The following ZNF799 variants were observed in gnomAD, a reference collection of about 807,000 sequenced individuals.
The protein encoded by ZNF799 is zinc finger protein 14.
Under a neutral mutation model 41.0 loss-of-function variants are expected in ZNF799, and 28 were observed. The ratio of observed to expected loss-of-function variants is 0.68; its 90% CI spans 0.51 to 0.94. The LOEUF (loss-of-function observed/expected upper bound fraction) is 0.94. ZNF799 is among the 40% of genes least tolerant of loss of function. The pLI is 0.00. For missense variants in ZNF799, 716 were observed against 764.3 expected (o/e 0.94, Z 0.74); for synonymous variants, 213 against 252.9 (o/e 0.84, Z 1.50).
the ZNF799 span, among the ~76,000 whole-genome samples, chr19:12,406,857 G>A: frequency 2.0e-5 from 3 of 152,074 alleles, no homozygotes; most frequent in South Asian, 2.1e-4. Flanking sequence ...CGGAGATCGC[G>A]TCACTGCACT....
chr19:12,405,940 C>T (rs34319095), upstream of ZNF799, among the ~76,000 whole-genome samples: 6 of 152,012 alleles, frequency 3.9e-5, no homozygotes, highest in South Asian at 2.1e-4. Flanking sequence ...TTTGGGAGGC[C>T]GAGGGGGGCA....
At chr19:12,399,067 T>G (rs563587929) in intron 1 of ZNF799, among the ~76,000 whole-genome samples, 1 of 152,326 alleles carries the variant, frequency 6.6e-6, no homozygotes, top group African/African-American at 2.4e-5. Context: ...CAATCTCTAA[T>G]CATAGGATGT....
upstream of ZNF799, among the ~76,000 whole-genome samples, chr19:12,405,846 T>A (rs1970025455): frequency 6.6e-6 from 1 of 152,124 alleles, no homozygotes; most frequent in Non-Finnish European, 1.5e-5. Context: ...TTGACATAGT[T>A]CATCTCTGAG....
chr19:12,409,257 T>C, the ZNF799 span, among the ~76,000 whole-genome samples: 1 of 152,128 alleles, frequency 6.6e-6, no homozygotes, highest in Non-Finnish European at 1.5e-5. Flanking sequence ...CCTATGAGAA[T>C]CTAATACCGC....
chr19:12,410,104 T>C, the ZNF799 span, among the ~76,000 whole-genome samples: 1 of 151,958 alleles, frequency 6.6e-6, no homozygotes, highest in Non-Finnish European at 1.5e-5. Context: ...GCTGAAATCA[T>C]GCTACTGCAC....
At chr19:12,400,082 G>T (rs1196839851) in intron 1 of ZNF799, among the ~76,000 whole-genome samples, 1 of 152,208 alleles carries the variant, frequency 6.6e-6, no homozygotes, top group African/African-American at 2.4e-5. Context: ...GTTAGCCTGG[G>T]GAAGTCTCTG....
At chr19:12,399,546 G>A (rs1190755880) in intron 1 of ZNF799, among the ~76,000 whole-genome samples, 3 of 150,014 alleles carry the variant, frequency 2.0e-5, no homozygotes, top group Admixed American at 2.0e-4. Flanking sequence ...TGCTCCCCAG[G>A]GGGCCACACC....
chr19:12,406,074 G>A (rs1276217576), upstream of ZNF799, among the ~76,000 whole-genome samples: 1 of 150,272 alleles, frequency 6.7e-6, no homozygotes, highest in Non-Finnish European at 1.5e-5. Context: ...TCGGGAGGCT[G>A]AGGCAGAATC....
chr19:12,413,120 A>C, the ZNF799 span, among the ~76,000 whole-genome samples: 2 of 150,866 alleles, frequency 1.3e-5, no homozygotes, highest in African/African-American at 4.9e-5. Context: ...CAAACTGCTG[A>C]TGCTCTCATT....
intron 1 of ZNF799, chr19:12,400,490 C>G (rs1161640912): frequency 6.4e-6 from 1 of 156,460 alleles, no homozygotes; most frequent in African/African-American, 2.4e-5. Context: ...TCTCTGAGAA[C>G]TGCTCAAGAG....
At chr19:12,392,830 A>G (rs917766598) in intron 2 of ZNF799, among the ~76,000 whole-genome samples, 167 bp from the exon 3 acceptor site, 1 of 152,024 alleles carries the variant, frequency 6.6e-6, no homozygotes. Context: ...ATACATATAT[A>G]TATGAATGTT....
Position 12,391,468 on chromosome 19 carries a change from T to C in ZNF799, c.930A>G (p.Ala310=), listed in dbSNP as rs377470240. 1.1e-5 allele frequency: 18 copies of C among 1,614,122 alleles called. No homozygotes were observed. Among genetic ancestry groups the C allele is most frequent in the African/African-American group, 1.1e-4 (8 of 75,040 alleles). Residue 310 remains alanine (A), a synonymous_variant, in exon 4 of 4, where the codon GCA becomes GCG. Transcript: ENST00000430385. Reference sequence around the variant, plus strand: ...GAAACGCTTTCCCACATTGCTGACATGCATAGGGTTTCTCATCAGTGTGAG... The same window carrying C: ...GAAACGCTTTCCCACATTGCTGACACGCATAGGGTTTCTCATCAGTGTGAG... The part of the protein sequence containing the change: ...ETTHTDEKPY[A]CQQCGKAFHH...
upstream of ZNF799, among the ~76,000 whole-genome samples, chr19:12,403,438 G>C (rs1474330498): frequency 6.6e-6 from 1 of 151,440 alleles, no homozygotes; most frequent in Non-Finnish European, 1.5e-5. Flanking sequence ...TTTCTACTCT[G>C]ATTTTTATTA....
the ZNF799 span, among the ~76,000 whole-genome samples, chr19:12,412,228 G>C: frequency 1.3e-5 from 2 of 152,138 alleles, no homozygotes; most frequent in Non-Finnish European, 2.9e-5. Flanking sequence ...AGAGAAGCCT[G>C]GTTGGGTAAC....
At chr19:12,408,774 C>G in the ZNF799 span, among the ~76,000 whole-genome samples, 2 of 152,308 alleles carry the variant, frequency 1.3e-5, no homozygotes, top group Admixed American at 1.3e-4. Flanking sequence ...TGGCTCACGC[C>G]TGTCATCCCA....
At position 12,391,304 on chromosome 19, in the gene ZNF799, TAG is replaced by T. The variant is rs768826165; in HGVS notation, c.1092_1093del (p.Tyr365Ter). On this transcript the variant is annotated frameshift_variant, in exon 4 of 4. Coordinates refer to ENST00000430385, the MANE Select transcript of ZNF799 (RefSeq NM_001080821.3). LOFTEE classifies it high-confidence loss of function. ...CGCTTTCCCACACTGCTTGCATTCATAGAGTTTCTCTCCAGTGTGAGTTCTTT... is the reference window on the plus strand; with the variant it reads ...CGCTTTCCCACACTGCTTGCATTCATAGTTTCTCTCCAGTGTGAGTTCTTT... 7 of 1,614,094 alleles carry T rather than the reference TAG, an allele frequency of 4.3e-6. No individual in the cohort carries two copies. In the Admixed American group the frequency reaches 8.3e-5, roughly 19 times the overall value.
chr19:12,390,775 G>T lies in ZNF799; in HGVS notation c.1623C>A (p.Phe541Leu). 1.2e-6 allele frequency: 2 copies of T among 1,612,112 alleles called. No individual in the cohort carries two copies. Among genetic ancestry groups the T allele is most frequent in the African/African-American group, 1.3e-5 (1 of 74,426 alleles). ...GTCGTAGAAAGCAAGTGAGCCAAGA[G>T]AATGCTTTCCCACATTCCTTACATT... is the stretch of plus-strand genomic sequence containing the variant. ...PYECKECGKA[F>L]SWLTCFLRHE... is the part of the protein sequence containing the mutation. Residue 541 changes from phenylalanine to leucine, a missense_variant, in exon 4 of 4, where the codon TTC becomes TTA. By Grantham distance (22) the Phe-to-Leu change is conservative (BLOSUM62 0). Coordinates refer to ENST00000430385, the MANE Select transcript of ZNF799 (RefSeq NM_001080821.3).
At chr19:12,413,168 C>T in the ZNF799 span, among the ~76,000 whole-genome samples, 6 of 151,784 alleles carry the variant, frequency 4.0e-5, no homozygotes, top group African/African-American at 1.5e-4. Context: ...GATCCTGATT[C>T]GTTTCTAAAT....
rs754754481 is a variant in ZNF799, at chr19:12,390,695, G to A, written c.1703C>T (p.Ala568Val). ...TTGAAGAAAACGGGAATGAGTGAAG[G>A]CTTTACCACATTGTTGACACTCATA... ...KPYECQQCGK[A>V]FTHSRFLQGH... Residue 568 changes from alanine to valine, a missense_variant, in exon 4 of 4, where the codon GCC (alanine) becomes GTC (valine). This residue lies in a region of ZNF799 where 698 missense variants were observed against 713.6 expected (regional missense o/e 0.98). Coordinates refer to ENST00000430385, the MANE Select transcript of ZNF799 (RefSeq NM_001080821.3). 29 of 1,613,574 alleles carry A rather than the reference G, an allele frequency of 1.8e-5. No homozygotes were observed. The Admixed American group carries it at 1.8e-4, about 10-fold the overall frequency.
Sources: allele counts gnomAD v4.1 joint callset (sites outside exome capture counted in the v4.1 genomes callset), GRCh38; gene constraint gnomAD v4.1.1; regional missense constraint gnomAD v4.1.1; transcripts MANE v1.5; gene names NCBI Gene and HGNC (gene_info 2026-07-23, HGNC 2026-07-21).